Variants in PCDH9 observed in about 807,000 individuals in gnomAD.
PCDH9 encodes protocadherin 9.
PCDH9 carries 24 observed loss-of-function variants against 70.6 expected under a neutral mutation model. The ratio of observed to expected loss-of-function variants is 0.34; its 90% CI spans 0.25 to 0.48. The LOEUF (loss-of-function observed/expected upper bound fraction) is 0.48. PCDH9 is among the 20% of genes least tolerant of loss of function. The pLI is 0.99. For synonymous variants in PCDH9, 562 were observed against 558.5 expected (o/e 1.01, Z -0.09); for missense variants, 1,281 against 1,503.6 (o/e 0.85, Z 2.45).
intron 3 of PCDH9, among the ~76,000 whole-genome samples, chr13:66,729,109 G>T (rs9540879): frequency 0.15 from 23,264 of 151,850 alleles, 2,014 homozygotes; most frequent in African/African-American, 0.22. Flanking sequence ...CAACTTGGAG[G>T]TCCCAGAAAG....
chr13:66,944,389 TA>T (rs1483484106), intron 2 of PCDH9, among the ~76,000 whole-genome samples: 4 of 152,192 alleles, frequency 2.6e-5, no homozygotes, highest in Non-Finnish European at 4.4e-5. Context: ...TCTCATTTCT[TA>T]GTACTTCCTA....
chr13:66,964,400 G>C (rs903615722), intron 2 of PCDH9, among the ~76,000 whole-genome samples: 1 of 151,782 alleles, frequency 6.6e-6, no homozygotes, highest in Admixed American at 6.6e-5. Flanking sequence ...CTTTAGCACT[G>C]AGAGAGAAAG....
At chr13:67,095,182 T>A (rs1196836764) in intron 2 of PCDH9, among the ~76,000 whole-genome samples, 1 of 152,138 alleles carries the variant, frequency 6.6e-6, no homozygotes, top group Admixed American at 6.5e-5. Flanking sequence ...TTCAACCGAC[T>A]GTTACTTGCA....
At chr13:66,424,926 A>C (rs1488871432) in intron 4 of PCDH9, among the ~76,000 whole-genome samples, 3 of 151,856 alleles carry the variant, frequency 2.0e-5, no homozygotes, top group Non-Finnish European at 4.4e-5. Context: ...GTTAACTGGG[A>C]GCTTCACCAG....
chr13:67,005,299 G>A (rs1008457420), intron 2 of PCDH9, among the ~76,000 whole-genome samples: 1 of 151,992 alleles, frequency 6.6e-6, no homozygotes, highest in African/African-American at 2.4e-5. Context: ...GTGAAGTCAG[G>A]GGATTTTCTT....
chr13:66,866,690 A>G (rs1484654395), intron 3 of PCDH9, among the ~76,000 whole-genome samples: 2 of 151,262 alleles, frequency 1.3e-5, no homozygotes, highest in Non-Finnish European at 3.0e-5. Flanking sequence ...CCAGCTACTC[A>G]GGAAGCTGAG....
chr13:66,359,665 T>C (rs1048209171), intron 4 of PCDH9, among the ~76,000 whole-genome samples: 3 of 152,008 alleles, frequency 2.0e-5, no homozygotes, highest in Non-Finnish European at 4.4e-5. Flanking sequence ...TAGTGGCAAA[T>C]CTACTACAGT....
intron 2 of PCDH9, among the ~76,000 whole-genome samples, chr13:66,961,198 T>C (rs1342737438): frequency 6.6e-6 from 1 of 152,234 alleles, no homozygotes; most frequent in East Asian, 1.9e-4. Context: ...CACTGGTGTT[T>C]CATTTTAAAA....
intron 2 of PCDH9, among the ~76,000 whole-genome samples, chr13:66,965,690 C>T (rs1029372211): frequency 1.3e-5 from 2 of 151,554 alleles, no homozygotes; most frequent in Non-Finnish European, 2.9e-5. Flanking sequence ...TATTGTATTG[C>T]TTATGAATAA....
At chr13:66,474,443 A>G (rs1031451358) in intron 4 of PCDH9, among the ~76,000 whole-genome samples, 4 of 152,144 alleles carry the variant, frequency 2.6e-5, no homozygotes, top group African/African-American at 9.6e-5. Flanking sequence ...AACACAAGGT[A>G]TAGTAGCTAT....
chr13:67,050,885 A>T (rs1175577899), intron 2 of PCDH9, among the ~76,000 whole-genome samples: 1 of 151,948 alleles, frequency 6.6e-6, no homozygotes, highest in Non-Finnish European at 1.5e-5. Flanking sequence ...ACATGTATTG[A>T]TTCAATATCA....
chr13:66,507,522 T>C (rs1195959927), intron 4 of PCDH9, among the ~76,000 whole-genome samples: 2 of 152,192 alleles, frequency 1.3e-5, no homozygotes, highest in Non-Finnish European at 2.9e-5. Flanking sequence ...TTGTTTATTG[T>C]TTGATTTTTT....
At chr13:67,071,888 CAAAAA>C (rs5804309) in intron 2 of PCDH9, among the ~76,000 whole-genome samples, 1 of 86,652 alleles carries the variant, frequency 1.2e-5, no homozygotes. Flanking sequence ...GACTTTGTCT[CAAAAA>C]AAAAAAAAAA....
At chr13:66,676,538 A>T (rs1593877098) in intron 3 of PCDH9, among the ~76,000 whole-genome samples, 2 of 152,270 alleles carry the variant, frequency 1.3e-5, no homozygotes, top group East Asian at 3.9e-4. Context: ...AGTTGTAGAG[A>T]GGCTACAAAT....
chr13:66,989,422 C>G (rs1246330491), intron 2 of PCDH9, among the ~76,000 whole-genome samples: 1 of 151,842 alleles, frequency 6.6e-6, no homozygotes, highest in Non-Finnish European at 1.5e-5. Context: ...TTAATTTCAT[C>G]TTTCCAACGA....
At chr13:66,553,867 TA>T (rs1026707415) in intron 4 of PCDH9, among the ~76,000 whole-genome samples, 1 of 152,210 alleles carries the variant, frequency 6.6e-6, no homozygotes, top group Non-Finnish European at 1.5e-5. Context: ...CTTAGTTTCA[TA>T]AAGTAACTTT....
At chr13:66,596,377 T>A (rs2077102978) in intron 4 of PCDH9, among the ~76,000 whole-genome samples, 1 of 151,642 alleles carries the variant, frequency 6.6e-6, no homozygotes, top group African/African-American at 2.4e-5. Context: ...ATTTAAAAAA[T>A]AAAATCCAGA....
intron 3 of PCDH9, among the ~76,000 whole-genome samples, chr13:66,872,026 T>G (rs1396070997): frequency 8.4e-6 from 1 of 119,150 alleles, no homozygotes; most frequent in Non-Finnish European, 1.8e-5. Context: ...TTTTGATTAT[T>G]TTAACATGTC....
intron 2 of PCDH9, among the ~76,000 whole-genome samples, chr13:67,070,658 A>G (rs2085743870): frequency 6.6e-6 from 1 of 152,178 alleles, no homozygotes; most frequent in Admixed American, 6.6e-5. Context: ...GACATCTAGA[A>G]TCATTAGATT....
Sources: allele counts gnomAD v4.1 joint callset (sites outside exome capture counted in the v4.1 genomes callset), GRCh38; gene constraint gnomAD v4.1.1; transcripts MANE v1.5; gene names NCBI Gene and HGNC (gene_info 2026-07-23, HGNC 2026-07-21).